Variants in CCDC28A observed in about 807,000 individuals in gnomAD.
CCDC28A encodes the protein coiled-coil domain containing 28A, also known as coiled-coil domain-containing protein 28A.
In CCDC28A, 24 loss-of-function variants were observed where a neutral mutation model predicts 22.1. The observed-to-expected ratio is 1.09, with a 90% CI of 0.79 to 1.53. CCDC28A has a LOEUF of 1.53. CCDC28A is among the 40% of genes most tolerant of loss of function. The pLI is 0.00. For synonymous variants in CCDC28A, 83 were observed against 74.7 expected, an observed-to-expected ratio of 1.11 and a Z score of -0.57; for missense variants, 170 against 210.7, an observed-to-expected ratio of 0.81 and a Z score of 1.20.
At chr6:138,785,825 G>A (rs2114909159) in intron 4 of CCDC28A, among the ~76,000 whole-genome samples, 1 of 152,228 alleles carries the variant, frequency 6.6e-6, no homozygotes, top group Admixed American at 6.5e-5. Context: ...ATTTGCTTCT[G>A]TACAGATATA....
intron 5 of CCDC28A, among the ~76,000 whole-genome samples, chr6:138,790,542 C>G (rs1775157271): frequency 6.6e-6 from 1 of 152,112 alleles, no homozygotes; most frequent in African/African-American, 2.4e-5. Flanking sequence ...ATTTACCCAC[C>G]ACAAACATAG....
intron 2 of CCDC28A, among the ~76,000 whole-genome samples, chr6:138,777,979 A>G (rs530460436): frequency 1.3e-3 from 202 of 152,298 alleles, no homozygotes; most frequent in African/African-American, 4.7e-3. Flanking sequence ...TAAGAAGCTC[A>G]CAAGTGAGAT....
chr6:138,790,077 C>G (rs1775148018), intron 5 of CCDC28A, among the ~76,000 whole-genome samples: 1 of 152,014 alleles, frequency 6.6e-6, no homozygotes, highest in African/African-American at 2.4e-5. Flanking sequence ...AAGAAGTTCT[C>G]TTTCTTCCTT....
chr6:138,785,170 C>T, intron 3 of CCDC28A, 57 bp from the exon 4 acceptor site: 1 of 1,247,538 alleles, frequency 8.0e-7, no homozygotes, highest in East Asian at 2.4e-5. Context: ...TGTTTTTACT[C>T]AATGCTGTTA....
At chr6:138,779,051 A>G (rs1386519076) in intron 2 of CCDC28A, among the ~76,000 whole-genome samples, 1 of 152,212 alleles carries the variant, frequency 6.6e-6, no homozygotes, top group Non-Finnish European at 1.5e-5. Flanking sequence ...TATAGGCACG[A>G]GCCACTGTGC....
chr6:138,779,430 C>G (rs959099239), intron 2 of CCDC28A, among the ~76,000 whole-genome samples: 1 of 152,006 alleles, frequency 6.6e-6, no homozygotes, highest in Non-Finnish European at 1.5e-5. Context: ...AGTAGGGACT[C>G]CAAAACCATA....
At chr6:138,784,196 T>G (rs1478325373) in intron 3 of CCDC28A, among the ~76,000 whole-genome samples, 1 of 152,086 alleles carries the variant, frequency 6.6e-6, no homozygotes, top group Non-Finnish European at 1.5e-5. Context: ...AACTCTGAAT[T>G]TCACTCAAAT....
intron 2 of CCDC28A, among the ~76,000 whole-genome samples, chr6:138,776,922 G>T: frequency 6.6e-6 from 1 of 151,996 alleles, no homozygotes; most frequent in Non-Finnish European, 1.5e-5. Context: ...AATTCAAAAT[G>T]CAAAAATTCT....
chr6:138,776,018 G>A, intron 1 of CCDC28A, 61 bp from the exon 2 acceptor site: 1 of 1,399,972 alleles, frequency 7.1e-7, no homozygotes, highest in Non-Finnish European at 1.0e-6. Context: ...ATGGGTCTTT[G>A]AATTTCTTTC....
chr6:138,785,503 G>T, intron 4 of CCDC28A, 122 bp downstream of exon 4: 1 of 672,394 alleles, frequency 1.5e-6, no homozygotes, highest in Non-Finnish European at 2.5e-6. Context: ...GTGTTGTGCC[G>T]ATCGCTGTTG....
chr6:138,779,019 G>T (rs566894416), intron 2 of CCDC28A, among the ~76,000 whole-genome samples: 1 of 152,278 alleles, frequency 6.6e-6, no homozygotes, highest in African/African-American at 2.4e-5. Context: ...CCTCCTGCCT[G>T]GGCCTCCCAA....
intron 2 of CCDC28A, among the ~76,000 whole-genome samples, chr6:138,779,157 T>C (rs920538721): frequency 6.6e-6 from 1 of 152,084 alleles, no homozygotes; most frequent in African/African-American, 2.4e-5. Flanking sequence ...AGAAGGGAGA[T>C]CAGGGATCAC....
rs1774930865 is a variant in CCDC28A, at chr6:138,776,201, T to A, written c.81T>A (p.Asn27Lys). The A allele has an allele frequency of 1.2e-6, 2 of 1,614,018 alleles. No individual in the cohort carries two copies. The highest frequency in any genetic ancestry group is 1.7e-6 in the Non-Finnish European group (2 of 1,179,886). The part of the protein sequence containing the change: ...HCTQVVNAKK[N>K]AIPVSKSTGF... ...CTCAGGTTGTCAATGCCAAAAAAAA[T>A]GCCATTCCAGTGAGTAAAAGCACAG... is the stretch of plus-strand genomic sequence containing the variant. The change falls in exon 2 of 6, where the codon AAT becomes AAA. Residue 27 changes from asparagine to lysine, a missense_variant. Asn to Lys is a moderately conservative substitution (Grantham distance 94). Coordinates refer to ENST00000617445, the MANE Select transcript of CCDC28A (RefSeq NM_015439.3).
chr6:138,781,229 T>C (rs6927344), intron 3 of CCDC28A, among the ~76,000 whole-genome samples: 9,385 of 152,290 alleles, frequency 0.062, 482 homozygotes, highest in African/African-American at 0.13. Flanking sequence ...CTAATGCACC[T>C]AGGATTGCTC....
chr6:138,780,551 T>C (rs982322497), intron 3 of CCDC28A, among the ~76,000 whole-genome samples: 1 of 151,472 alleles, frequency 6.6e-6, no homozygotes, highest in Non-Finnish European at 1.5e-5. Flanking sequence ...AAGCTTTTTC[T>C]AATGATAAGA....
rs143299480 is a variant in CCDC28A, at chr6:138,779,355, GA to G, written c.159-466del. On this transcript the variant is annotated intron_variant, in intron 2 of 5. Transcript: ENST00000617445. ...AGTTTTTAGTATTCCATTACATGGT[GA>G]TTATGAATTTAAATATCTTCCCTTC... 9.7e-4 allele frequency among the ~76,000 whole-genome samples: 148 copies of G among 152,316 alleles called. No individual in the cohort carries two copies. In the East Asian group the frequency reaches 0.027, roughly 27 times the overall value.
chr6:138,775,140 C>T (rs1439610153), intron 1 of CCDC28A, among the ~76,000 whole-genome samples: 2 of 152,166 alleles, frequency 1.3e-5, no homozygotes, highest in African/African-American at 2.4e-5. Flanking sequence ...GGGGTTTCAC[C>T]GTGTTAGCCA....
intron 2 of CCDC28A, 112 bp downstream of exon 2, chr6:138,776,390 G>A (rs1774934892): frequency 2.4e-6 from 2 of 835,020 alleles, no homozygotes; most frequent in Non-Finnish European, 3.9e-6. Flanking sequence ...AACAGTTGAG[G>A]CACCCATTAT....
In CCDC28A at chr6:138,783,377, T is replaced by C. The variant is rs377510562; in HGVS notation, c.323-1850T>C. On this transcript the variant is annotated intron_variant, in intron 3 of 5. Transcript: ENST00000617445. ...CGGCCTCCTTGAGCTCAAGCCATCC[T>C]CCCACCTCAGCCTCCCAAGTAGCTG... Among the ~76,000 whole-genome samples, 7 of 141,764 alleles carry C rather than the reference T, an allele frequency of 4.9e-5. No homozygotes were observed. In the South Asian group the frequency reaches 1.7e-3, roughly 35 times the overall value. The allele number at this position is 141,764 out of a possible 152,430, so 93.0% of individuals were successfully genotyped here.
Sources: gnomAD v4.1 joint callset for allele counts (sites outside exome capture counted in the v4.1 genomes callset) on GRCh38, gnomAD v4.1.1 for gene constraint, MANE v1.5 for transcripts, NCBI Gene and HGNC (gene_info 2026-07-23, HGNC 2026-07-21) for gene names.